Variants in DOCK4 observed in about 807,000 individuals in gnomAD.
The protein encoded by DOCK4 is dedicator of cytokinesis 4.
DOCK4 carries 97 observed loss-of-function variants against 268.1 expected under a neutral mutation model. The observed-to-expected ratio is 0.36, with a 90% CI of 0.31 to 0.43. The LOEUF (loss-of-function observed/expected upper bound fraction) is 0.43, where lower values mean the gene tolerates loss of function less well. Ranked by LOEUF, DOCK4 falls within the 20% of genes least tolerant of loss-of-function variation. The pLI is 1.00. For synonymous variants in DOCK4, 954 were observed against 887.2 expected (o/e 1.08, Z -1.34); for missense variants, 2,145 against 2,455.7 (o/e 0.87, Z 2.67).
intron 39 of DOCK4, among the ~76,000 whole-genome samples, chr7:111,762,381 T>C (rs181218738): frequency 6.6e-6 from 1 of 152,356 alleles, no homozygotes; most frequent in Non-Finnish European, 1.5e-5. Flanking sequence ...CCTATTTTTC[T>C]CTTCCTCCAG....
intron 1 of DOCK4, among the ~76,000 whole-genome samples, chr7:112,151,694 GT>G (rs1816093138): frequency 6.6e-6 from 1 of 150,416 alleles, no homozygotes; most frequent in African/African-American, 2.4e-5. Flanking sequence ...AGAGAGCTCT[GT>G]TTTTGTTTTA....
At chr7:111,887,959 G>A (rs561546810) in intron 16 of DOCK4, among the ~76,000 whole-genome samples, 32 of 151,998 alleles carry the variant, frequency 2.1e-4, no homozygotes, top group African/African-American at 7.2e-4. Context: ...ACAGGAAGCC[G>A]GAAGGAAAGG....
chr7:111,808,915 C>T lies in DOCK4; in HGVS notation c.3108-36G>A, dbSNP rs748805566. 7 of 1,598,922 alleles carry T rather than the reference C, an allele frequency of 4.4e-6. No homozygotes were observed. The East Asian group carries it at 9.0e-5, about 20-fold the overall frequency. Reference sequence around the variant, plus strand: ...ACAAAAAACCAAACCTGATACAATGCCTCCAGAACAAGGAAGTATTTGTGT... The same window carrying T: ...ACAAAAAACCAAACCTGATACAATGTCTCCAGAACAAGGAAGTATTTGTGT... On this transcript the variant is annotated intron_variant, in intron 29 of 52. Transcript: ENST00000428084.
intron 1 of DOCK4, among the ~76,000 whole-genome samples, chr7:112,168,849 T>C (rs1187353923): frequency 2.6e-5 from 4 of 152,214 alleles, no homozygotes; most frequent in Non-Finnish European, 1.5e-5. Flanking sequence ...ACATCTGTTG[T>C]CCCAGTTTGG....
chr7:111,987,810 C>G (rs942815387), intron 6 of DOCK4, among the ~76,000 whole-genome samples: 41 of 152,224 alleles, frequency 2.7e-4, no homozygotes, highest in African/African-American at 7.5e-4. Flanking sequence ...GCTGCCCCTC[C>G]ACATTTGTAC....
intron 1 of DOCK4, among the ~76,000 whole-genome samples, chr7:112,047,013 G>C (rs1804883651): frequency 6.6e-6 from 1 of 152,148 alleles, no homozygotes; most frequent in Admixed American, 6.6e-5. Context: ...CAAAATGTGA[G>C]GAAACGACAT....
At chr7:112,162,164 T>C (rs1194927949) in intron 1 of DOCK4, among the ~76,000 whole-genome samples, 2 of 152,222 alleles carry the variant, frequency 1.3e-5, no homozygotes, top group Non-Finnish European at 2.9e-5. Context: ...GCCTCATTTA[T>C]CTGGCATCAA....
Position 111,732,216 on chromosome 7 carries a change from G to A in DOCK4, c.5481+10C>T. On this transcript the variant is annotated intron_variant, in intron 52 of 52. Coordinates refer to ENST00000428084, the MANE Select transcript of DOCK4 (RefSeq NM_001363540.2). ...CAGTCTCTAGCCTCAGTCGAAAGAA[G>A]GGCCTTTACCTTCAATGGAGATCGC... is the stretch of plus-strand genomic sequence containing the variant. 1.2e-6 allele frequency: 2 copies of A among 1,613,808 alleles called. No individual in the cohort carries two copies. The highest frequency in any genetic ancestry group is 2.2e-5 in the South Asian group (2 of 91,004).
intron 1 of DOCK4, among the ~76,000 whole-genome samples, chr7:112,038,075 T>C (rs2135491357): frequency 6.6e-6 from 1 of 152,350 alleles, no homozygotes; most frequent in East Asian, 1.9e-4. Flanking sequence ...GTTAGCATTG[T>C]TATAAAATTA....
intron 10 of DOCK4, among the ~76,000 whole-genome samples, chr7:111,943,742 T>C (rs1562920750): frequency 6.6e-6 from 1 of 152,176 alleles, no homozygotes; most frequent in Non-Finnish European, 1.5e-5. Context: ...ATTTCTACTG[T>C]CCTTCAAATA....
intron 8 of DOCK4, among the ~76,000 whole-genome samples, chr7:111,958,296 T>G (rs1016700104): frequency 3.3e-5 from 5 of 152,178 alleles, no homozygotes; most frequent in Non-Finnish European, 7.4e-5. Context: ...GAACTCATCA[T>G]TAACAATTCC....
chr7:112,197,444 C>T (rs780416034), intron 1 of DOCK4, among the ~76,000 whole-genome samples: 17 of 152,272 alleles, frequency 1.1e-4, no homozygotes, highest in Non-Finnish European at 1.9e-4. Flanking sequence ...TGTTTTTCAA[C>T]ATCCTTACTG....
chr7:111,868,004 C>T lies in DOCK4; in HGVS notation c.2260G>A (p.Gly754Arg). The change falls in exon 22 of 53, where the codon GGA becomes AGA. Residue 754 changes from glycine (G) to arginine (R), a missense_variant. Around this residue, in one of 2 missense-constraint regions of DOCK4, gnomAD observed 1,598 missense variants for 1,986.7 expected, o/e 0.80. Transcript: ENST00000428084. ...ATTACCTGTGACTGAGATAATGCTC[C>T]AGACCCTTTGCTCTCTTGCGAAAGA... ...FFLSQESKGSGALSQSQAVFL... is the reference protein window; with the variant it reads ...FFLSQESKGSRALSQSQAVFL... The T allele has an allele frequency of 1.2e-6, 2 of 1,610,180 alleles. No homozygotes were observed. The highest frequency in any genetic ancestry group is 1.7e-6 in the Non-Finnish European group (2 of 1,178,452).
Position 111,800,165 on chromosome 7 carries a change from A to G in DOCK4, c.3166+8656T>C, listed in dbSNP as rs1311759158. Among the ~76,000 whole-genome samples, 7 of 152,118 alleles carry G rather than the reference A, an allele frequency of 4.6e-5. No homozygotes were observed. In the East Asian group the frequency reaches 1.2e-3, roughly 25 times the overall value. Reference sequence around the variant, plus strand: ...ACAATGCACTTTAAGCTAGGAAAAGACTGTTATTTAAAAAAGATTTTATAT... The same window carrying G: ...ACAATGCACTTTAAGCTAGGAAAAGGCTGTTATTTAAAAAAGATTTTATAT... On this transcript the variant is annotated intron_variant, in intron 30 of 52. Coordinates refer to ENST00000428084, the MANE Select transcript of DOCK4 (RefSeq NM_001363540.2).
At chr7:111,740,034 C>A (rs780204944) in intron 47 of DOCK4, 1 of 363,880 alleles carries the variant, frequency 2.7e-6, no homozygotes, top group Non-Finnish European at 5.5e-6. Flanking sequence ...AAAAAAAATA[C>A]CTTTGGAAAC....
chr7:111,899,871 C>A (rs1326970373), intron 15 of DOCK4, among the ~76,000 whole-genome samples: 1 of 152,216 alleles, frequency 6.6e-6, no homozygotes, highest in Non-Finnish European at 1.5e-5. Flanking sequence ...TTGCAGAGAG[C>A]TGAGATTGCG....
intron 26 of DOCK4, 68 bp downstream of exon 26, chr7:111,834,520 C>G: frequency 8.4e-7 from 1 of 1,185,568 alleles, no homozygotes; most frequent in Non-Finnish European, 1.2e-6. Context: ...TTTATCTCAA[C>G]AGTGATGAAT....
At chr7:111,875,785 A>G (rs1277154403) in intron 17 of DOCK4, among the ~76,000 whole-genome samples, 1 of 152,236 alleles carries the variant, frequency 6.6e-6, no homozygotes, top group Non-Finnish European at 1.5e-5. Context: ...CCTTGATTTT[A>G]GCCCAGTGGA....
At chr7:112,028,456 A>G (rs1486857260) in intron 1 of DOCK4, among the ~76,000 whole-genome samples, 1 of 152,198 alleles carries the variant, frequency 6.6e-6, no homozygotes, top group Non-Finnish European at 1.5e-5. Flanking sequence ...CTACTCCACT[A>G]TTGCAAACAC....
Sources: allele counts gnomAD v4.1 joint callset (sites outside exome capture counted in the v4.1 genomes callset), GRCh38; gene constraint gnomAD v4.1.1; regional missense constraint gnomAD v4.1.1; transcripts MANE v1.5; gene names NCBI Gene and HGNC (gene_info 2026-07-23, HGNC 2026-07-21).